The following RIT2 variants were observed in gnomAD, a reference collection of about 807,000 sequenced individuals.
RIT2 encodes GTP-binding protein Rit2.
A neutral mutation model predicts 23.7 loss-of-function variants in RIT2; 24 were observed. The ratio of observed to expected loss-of-function variants is 1.01; its 90% CI spans 0.73 to 1.43. RIT2 has a LOEUF of 1.43. Ranked by LOEUF, RIT2 falls within the 40% of genes most tolerant of loss-of-function variation. The probability of loss-of-function intolerance (pLI) is 0.00; values close to 1 mark genes in which losing one functional copy is unlikely to be tolerated. For synonymous variants in RIT2, 107 were observed against 91.1 expected (o/e 1.17, Z -0.99); for missense variants, 236 against 266.9 (o/e 0.88, Z 0.81).
intron 4 of RIT2, among the ~76,000 whole-genome samples, chr18:42,917,418 C>T (rs1281508743): frequency 6.6e-6 from 1 of 152,044 alleles, no homozygotes; most frequent in Non-Finnish European, 1.5e-5. Context: ...CATGAAAGGG[C>T]TCTAAACCTC....
At position 42,924,831 on chromosome 18, in the gene RIT2, G is replaced by T. The variant is rs145200075; in HGVS notation, c.235-1068C>A. 1.4e-3 allele frequency among the ~76,000 whole-genome samples: 209 copies of T among 152,110 alleles called. 1 individual carries two copies. Among genetic ancestry groups the T allele is most frequent in the African/African-American group, 4.8e-3 (201 of 41,520 alleles). On this transcript the variant is annotated intron_variant, in intron 3 of 4. Coordinates refer to ENST00000326695, the MANE Select transcript of RIT2 (RefSeq NM_002930.4). ...TTAAATAAATGTCAATTTGATTTAC[G>T]CTAGCTTGAAAGATGGGAGCATTTA...
At position 42,758,406 on chromosome 18, in the gene RIT2, A is replaced by G. The variant is rs188655138; in HGVS notation, c.427-14686T>C. ...TTTCCAGCAATTTTTACCAACTGCA[A>G]TATTTGACAACTTGCCTAGTCCCTT... On this transcript the variant is annotated intron_variant, in intron 4 of 4. Coordinates refer to ENST00000326695, the MANE Select transcript of RIT2 (RefSeq NM_002930.4). Among the ~76,000 whole-genome samples the G allele has an allele frequency of 3.3e-5, 5 of 152,196 alleles. No homozygotes were observed. The East Asian group carries it at 9.6e-4, about 29-fold the overall frequency.
Position 42,866,058 on chromosome 18 carries a change from T to G in RIT2, c.426+57514A>C, listed in dbSNP as rs78265169. 2.8e-4 allele frequency among the ~76,000 whole-genome samples: 42 copies of G among 152,266 alleles called. No homozygotes were observed. The East Asian group carries it at 7.7e-3, about 28-fold the overall frequency. On this transcript the variant is annotated intron_variant, in intron 4 of 4. Coordinates refer to ENST00000326695, the MANE Select transcript of RIT2 (RefSeq NM_002930.4). ...CAGCACCATCACTTATCTATTTCTT[T>G]TGTGTAAAGCCATCTCACAATACAG...
At chr18:42,916,423 C>T (rs796380111) in intron 4 of RIT2, among the ~76,000 whole-genome samples, 6 of 152,180 alleles carry the variant, frequency 3.9e-5, no homozygotes, top group South Asian at 2.1e-4. Context: ...CTCTCTTAGG[C>T]AGATTTCAGT....
chr18:42,814,125 G>A (rs111637648), intron 4 of RIT2, among the ~76,000 whole-genome samples: 6 of 152,328 alleles, frequency 3.9e-5, no homozygotes, highest in African/African-American at 1.4e-4. Flanking sequence ...GGTCCTTCGG[G>A]AGGGCAGCCA....
intron 4 of RIT2, among the ~76,000 whole-genome samples, chr18:42,767,945 TGGAACTG>T (rs987744933): frequency 6.6e-6 from 1 of 152,170 alleles, no homozygotes; most frequent in African/African-American, 2.4e-5. Context: ...CCCAGCCATG[TGGAACTG>T]TAAGTCCAAT....
chr18:42,752,115 C>T (rs1913060116), intron 4 of RIT2, among the ~76,000 whole-genome samples: 3 of 151,778 alleles, frequency 2.0e-5, no homozygotes, highest in South Asian at 4.2e-4. Context: ...GGGTTTTATG[C>T]TTACTATTAT....
At chr18:42,805,311 G>C (rs569395644) in intron 4 of RIT2, among the ~76,000 whole-genome samples, 6 of 152,192 alleles carry the variant, frequency 3.9e-5, no homozygotes, top group African/African-American at 7.2e-5. Context: ...AAATATAAGA[G>C]AATTGGAGCC....
At chr18:43,074,337 A>G (rs1478453014) in intron 1 of RIT2, among the ~76,000 whole-genome samples, 1 of 152,202 alleles carries the variant, frequency 6.6e-6, no homozygotes, top group Non-Finnish European at 1.5e-5. Flanking sequence ...GTGTTTATAC[A>G]TACGTGTATG....
At chr18:42,832,904 A>T (rs574452693) in intron 4 of RIT2, among the ~76,000 whole-genome samples, 1 of 151,994 alleles carries the variant, frequency 6.6e-6, no homozygotes, top group East Asian at 1.9e-4. Flanking sequence ...AATACAAAAA[A>T]GTAGCTGGGC....
intron 1 of RIT2, among the ~76,000 whole-genome samples, chr18:43,042,370 G>C (rs1912148326): frequency 6.6e-6 from 1 of 152,112 alleles, no homozygotes; most frequent in African/African-American, 2.4e-5. Flanking sequence ...TATTTCTCTT[G>C]TACTTCAGTC....
chr18:42,969,886 T>A (rs1910322583), intron 3 of RIT2, among the ~76,000 whole-genome samples: 1 of 152,102 alleles, frequency 6.6e-6, no homozygotes, highest in Non-Finnish European at 1.5e-5. Flanking sequence ...TGTGCACTTC[T>A]ACCATAGTAT....
At chr18:42,812,171 G>C (rs1453978555) in intron 4 of RIT2, among the ~76,000 whole-genome samples, 1 of 152,122 alleles carries the variant, frequency 6.6e-6, no homozygotes, top group Non-Finnish European at 1.5e-5. Flanking sequence ...ACATCCTAGA[G>C]ACTTTGAAAA....
intron 2 of RIT2, among the ~76,000 whole-genome samples, chr18:43,012,083 T>G (rs371592950): frequency 9.3e-4 from 141 of 151,852 alleles, no homozygotes; most frequent in African/African-American, 3.2e-3. Context: ...TAAGAAGAGT[T>G]CAGCTAAGAG....
rs76315864 is a variant in RIT2, at chr18:43,091,611, A to T, written c.103+23806T>A. On this transcript the variant is annotated intron_variant, in intron 1 of 4. Transcript: ENST00000326695. ...GCAAGGCTGATTTCCTATGAGCCAC[A>T]TGTGCCTCAGATTCCTTCACTTTAA... Among the ~76,000 whole-genome samples, 11 of 152,182 alleles carry T rather than the reference A, an allele frequency of 7.2e-5. No individual in the cohort carries two copies. The East Asian group carries it at 2.1e-3, about 29-fold the overall frequency.
At chr18:43,040,927 T>C (rs1912113425) in intron 1 of RIT2, among the ~76,000 whole-genome samples, 1 of 152,170 alleles carries the variant, frequency 6.6e-6, no homozygotes, top group South Asian at 2.1e-4. Context: ...TAAGCCCCTT[T>C]TAATTTTTGA....
chr18:42,980,127 G>GA (rs1248020657), intron 2 of RIT2, among the ~76,000 whole-genome samples: 6 of 152,104 alleles, frequency 3.9e-5, no homozygotes, highest in African/African-American at 1.2e-4. Flanking sequence ...TGTTGGCTGT[G>GA]AAAAAGGCTT....
At chr18:43,048,864 A>G (rs1450669044) in intron 1 of RIT2, among the ~76,000 whole-genome samples, 1 of 152,134 alleles carries the variant, frequency 6.6e-6, no homozygotes, top group Non-Finnish European at 1.5e-5. Flanking sequence ...TGTTCCTTAT[A>G]TTATCATGGG....
chr18:42,858,582 A>G (rs1907248264), intron 4 of RIT2, among the ~76,000 whole-genome samples: 1 of 152,204 alleles, frequency 6.6e-6, no homozygotes, highest in African/African-American at 2.4e-5. Context: ...GACCCACTTA[A>G]AGTATAAAGC....
Sources: allele counts gnomAD v4.1 joint callset (sites outside exome capture counted in the v4.1 genomes callset), GRCh38; gene constraint gnomAD v4.1.1; transcripts MANE v1.5; gene names NCBI Gene and HGNC (gene_info 2026-07-23, HGNC 2026-07-21).